Variants in SAP30BP observed in about 807,000 individuals in gnomAD.
The protein encoded by SAP30BP is SAP30-binding protein.
Under a neutral mutation model 46.3 loss-of-function variants are expected in SAP30BP, and 31 were observed. The observed-to-expected ratio is 0.67, with a 90% CI of 0.50 to 0.90. The LOEUF is 0.90. Among genes scored for constraint, SAP30BP ranks in the 40% least tolerant of loss-of-function variants. The pLI, the probability that SAP30BP is intolerant of heterozygous loss-of-function variation, is 0.00. For synonymous variants in SAP30BP, 169 were observed against 144.2 expected (o/e 1.17, Z -1.23); for missense variants, 312 against 391.0 (o/e 0.80, Z 1.70).
intron 2 of SAP30BP, among the ~76,000 whole-genome samples, chr17:75,668,845 G>A (rs924829018): frequency 4.6e-5 from 7 of 152,148 alleles, no homozygotes; most frequent in Admixed American, 6.5e-5. Flanking sequence ...AAATTTGGGG[G>A]AAAAGATAGT....
intron 6 of SAP30BP, 186 bp from the exon 7 acceptor site, chr17:75,703,125 T>A: frequency 1.7e-6 from 1 of 603,684 alleles, no homozygotes; most frequent in Non-Finnish European, 3.0e-6. Context: ...CCTGTGCTCC[T>A]CCCGGCCCCT....
intron 9 of SAP30BP, 171 bp downstream of exon 9, chr17:75,704,985 C>A: frequency 1.6e-6 from 1 of 614,492 alleles, no homozygotes. Context: ...CTGCTGGGTT[C>A]ACGGCGCTCG....
chr17:75,686,527 A>G (rs1381832973), intron 3 of SAP30BP, among the ~76,000 whole-genome samples: 1 of 148,348 alleles, frequency 6.7e-6, no homozygotes, highest in Non-Finnish European at 1.5e-5. Flanking sequence ...GGAAAAAGAA[A>G]AAAAAAAAGA....
Position 75,702,380 on chromosome 17 carries a change from C to A in SAP30BP, c.397-100C>A. ...GTTGGGCTTTGCCTGACTGGAGCCT[C>A]ATGTTCATGCTGCACATGTAGCTGG... On this transcript the variant is annotated intron_variant, in intron 5 of 10. Transcript: ENST00000584667. 4 of 556,644 alleles carry A rather than the reference C, an allele frequency of 7.2e-6. No homozygotes were observed. In the South Asian group the frequency reaches 8.1e-5, roughly 11 times the overall value. 34.5% of individuals were successfully genotyped at this position (556,644 alleles called of 1,614,324 possible).
intron 3 of SAP30BP, among the ~76,000 whole-genome samples, chr17:75,682,240 A>G (rs1410634981): frequency 6.6e-6 from 1 of 150,952 alleles, no homozygotes; most frequent in Non-Finnish European, 1.5e-5. Context: ...GCTGGAGTGC[A>G]GTGGCGTGAT....
intron 5 of SAP30BP, among the ~76,000 whole-genome samples, chr17:75,702,035 T>C (rs959296990): frequency 2.6e-5 from 4 of 152,182 alleles, no homozygotes; most frequent in Non-Finnish European, 5.9e-5. Flanking sequence ...TTTTTTGTTT[T>C]GTTTTGTCGA....
rs778224381 is a variant in SAP30BP at position 75,706,114 on chromosome 17, C to T, written c.745+22C>T. On this transcript the variant is annotated intron_variant, in intron 10 of 10. Coordinates refer to ENST00000584667, the MANE Select transcript of SAP30BP (RefSeq NM_013260.8). This position sits in a 1 kb window ranked among gnomAD's most constrained non-coding sequence, Gnocchi z 4.6. ...GCAGGTAGATTGCAGAGCTGCCCTGCCTCCTGCCACACACATGGAGCCAGG... is the reference window on the plus strand; with the variant it reads ...GCAGGTAGATTGCAGAGCTGCCCTGTCTCCTGCCACACACATGGAGCCAGG... 5.0e-6 allele frequency: 8 copies of T among 1,602,500 alleles called. No individual in the cohort carries two copies. The highest frequency in any genetic ancestry group is 2.2e-5 in the East Asian group (1 of 44,730).
chr17:75,674,199 C>T (rs2059948735), intron 3 of SAP30BP, among the ~76,000 whole-genome samples: 1 of 152,114 alleles, frequency 6.6e-6, no homozygotes, highest in African/African-American at 2.4e-5. Flanking sequence ...CCCTGTCATC[C>T]TTCTGCTTGA....
At chr17:75,679,096 C>T (rs1233257752) in intron 3 of SAP30BP, among the ~76,000 whole-genome samples, 1 of 151,604 alleles carries the variant, frequency 6.6e-6, no homozygotes, top group Non-Finnish European at 1.5e-5. Flanking sequence ...CAGGTTCACG[C>T]CATTCTCCTG....
chr17:75,697,564 G>A (rs2060341866), intron 4 of SAP30BP, among the ~76,000 whole-genome samples: 1 of 152,218 alleles, frequency 6.6e-6, no homozygotes, highest in Admixed American at 6.5e-5. Context: ...TCTGATCAAT[G>A]TATCACCCAG....
chr17:75,705,972 T>C, intron 9 of SAP30BP, 36 bp from the exon 10 acceptor site: 1 of 1,609,238 alleles, frequency 6.2e-7, no homozygotes, highest in Non-Finnish European at 8.5e-7. Context: ...ACACCCAGCT[T>C]TGCCTGGTCT....
chr17:75,672,644 G>A (rs2059924145), intron 3 of SAP30BP, among the ~76,000 whole-genome samples: 1 of 152,094 alleles, frequency 6.6e-6, no homozygotes, highest in African/African-American at 2.4e-5. Flanking sequence ...CGGGGAATAA[G>A]GACCCATTTT....
At position 75,675,753 on chromosome 17, in the gene SAP30BP, A is replaced by G. The variant is rs530293173; in HGVS notation, c.264+3890A>G. Among the ~76,000 whole-genome samples the G allele has an allele frequency of 1.9e-4, 29 of 151,946 alleles. 1 individual carries two copies. In the South Asian group the frequency reaches 5.6e-3, roughly 29 times the overall value. On this transcript the variant is annotated intron_variant, in intron 3 of 10. Transcript: ENST00000584667. ...AACGTGATAAAACCCCATTTCTATA[A>G]AAAAAATACAAAAATTAGCCGGGTG...
intron 3 of SAP30BP, among the ~76,000 whole-genome samples, chr17:75,686,682 A>G (rs1423090481): frequency 6.6e-6 from 1 of 152,200 alleles, no homozygotes; most frequent in Admixed American, 6.5e-5. Context: ...ATTCCCAGGC[A>G]GGCAGTGTGC....
At chr17:75,691,481 G>A (rs2060241433) in intron 3 of SAP30BP, 1 of 456,600 alleles carries the variant, frequency 2.2e-6, no homozygotes, top group Non-Finnish European at 4.4e-6. Context: ...GCCACAAGAA[G>A]CCACGGGGAG....
In SAP30BP at chr17:75,707,686, C is replaced by T. The variant is rs765567649; in HGVS notation, c.*1165C>T. On this transcript the variant is annotated 3_prime_UTR_variant, in exon 11 of 11. Coordinates refer to ENST00000584667, the MANE Select transcript of SAP30BP (RefSeq NM_013260.8). The stretch of plus-strand genomic sequence containing the variant: ...TCCACTCTCCCCGTACACACACACT[C>T]GGGCACTTCAGGAGGTCAGTTCTCA... 1.3e-5 allele frequency: 2 copies of T among 152,568 alleles called. No homozygotes were observed. Among genetic ancestry groups the T allele is most frequent in the Admixed American group, 1.3e-4 (2 of 15,278 alleles). The allele number at this position is 152,568 out of a possible 1,614,324, so 9.5% of individuals were successfully genotyped here. A position where few individuals can be genotyped will look rare whatever the true frequency, so the allele number is the denominator to read the frequency against.
Position 75,706,194 on chromosome 17 carries a change from G to A in SAP30BP, c.745+102G>A. 6.4e-7 allele frequency: 1 copy of A among 1,556,862 alleles called. No homozygotes were observed. The highest frequency in any genetic ancestry group is 8.7e-7 in the Non-Finnish European group (1 of 1,154,192). ...GCACGTGGATCTGGGCCTGGGCTCA[G>A]CCTTGCTACTTTGAGAAGCACCTTT... On this transcript the variant is annotated intron_variant, in intron 10 of 10. Coordinates refer to ENST00000584667, the MANE Select transcript of SAP30BP (RefSeq NM_013260.8). The surrounding 1 kb of genome is among the most constrained non-coding windows in gnomAD (Gnocchi z 4.6).
At chr17:75,672,012 A>G in intron 3 of SAP30BP, 149 bp downstream of exon 3, 1 of 710,848 alleles carries the variant, frequency 1.4e-6, no homozygotes, top group South Asian at 1.6e-5. Flanking sequence ...CTTTATAAAG[A>G]AAGAACCTGG....
At chr17:75,690,492 G>A (rs1009850312) in intron 3 of SAP30BP, among the ~76,000 whole-genome samples, 1 of 152,106 alleles carries the variant, frequency 6.6e-6, no homozygotes, top group Non-Finnish European at 1.5e-5. Flanking sequence ...AGACTCAGGT[G>A]ATCTCTCCTC....
Sources: gnomAD v4.1 joint callset for allele counts (sites outside exome capture counted in the v4.1 genomes callset) on GRCh38, gnomAD v4.1.1 for gene constraint, Gnocchi (gnomAD v3.1) non-coding constraint, MANE v1.5 for transcripts, NCBI Gene and HGNC (gene_info 2026-07-23, HGNC 2026-07-21) for gene names.